Variants in TDRD9 observed in about 807,000 individuals in gnomAD.
TDRD9 encodes the protein ATP-dependent RNA helicase TDRD9.
A neutral mutation model predicts 172.6 loss-of-function variants in TDRD9; 124 were observed. The ratio of observed to expected loss-of-function variants is 0.72; its 90% CI spans 0.62 to 0.83. The LOEUF (loss-of-function observed/expected upper bound fraction) is 0.83. TDRD9 is among the 40% of genes least tolerant of loss of function. The pLI is 0.00. For missense variants in TDRD9, 1,479 were observed against 1,714.1 expected (o/e 0.86, Z 2.42); for synonymous variants, 619 against 617.1 (o/e 1.00, Z -0.05).
At chr14:103,928,820 C>T (rs9324067) in intron 1 of TDRD9, 96 bp downstream of exon 1, 4,523 of 358,592 alleles carry the variant, frequency 0.013, 213 homozygotes, top group African/African-American at 0.093. Flanking sequence ...CGAGCCCGTG[C>T]CCTCTCGCGG....
intron 7 of TDRD9, among the ~76,000 whole-genome samples, 182 bp from the exon 8 acceptor site, chr14:103,986,035 G>C (rs2152187897): frequency 6.6e-6 from 1 of 152,354 alleles, no homozygotes; most frequent in African/African-American, 2.4e-5. Context: ...TGTGTCCACT[G>C]TCCTGAGCAG....
chr14:104,033,813 C>T, intron 30 of TDRD9, 147 bp from the exon 31 acceptor site: 1 of 613,626 alleles, frequency 1.6e-6, no homozygotes, highest in Non-Finnish European at 3.0e-6. Context: ...AGGAGATGTG[C>T]AGGAGAGTGG....
chr14:104,014,363 G>A (rs990295595), intron 20 of TDRD9, among the ~76,000 whole-genome samples: 1 of 150,554 alleles, frequency 6.6e-6, no homozygotes, highest in African/African-American at 2.5e-5. Context: ...CACTGCAACC[G>A]CTGCCCTCCA....
intron 1 of TDRD9, chr14:103,939,682 T>G (rs1183052357): frequency 1.4e-5 from 2 of 142,428 alleles, no homozygotes; most frequent in African/African-American, 5.3e-5. Context: ...GGAGGGTTTT[T>G]TTTTTTTTTT....
intron 8 of TDRD9, among the ~76,000 whole-genome samples, chr14:103,988,108 T>A (rs1447812153): frequency 6.6e-6 from 1 of 152,218 alleles, no homozygotes; most frequent in Non-Finnish European, 1.5e-5. Context: ...TTTCATTCTT[T>A]TACTTTCAGT....
intron 8 of TDRD9, among the ~76,000 whole-genome samples, chr14:103,987,953 C>G (rs2033732988): frequency 6.6e-6 from 1 of 152,122 alleles, no homozygotes; most frequent in Non-Finnish European, 1.5e-5. Flanking sequence ...ATGTTTATAC[C>G]TGTTACATCT....
chr14:103,983,186 C>T (rs1262173417), intron 7 of TDRD9, among the ~76,000 whole-genome samples: 3 of 146,924 alleles, frequency 2.0e-5, no homozygotes, highest in East Asian at 4.1e-4. Flanking sequence ...GCCTCAGTCT[C>T]CCGAGTAGCT....
Position 103,992,786 on chromosome 14 carries a change from A to G in TDRD9, c.1181-1546A>G, listed in dbSNP as rs185129481. 1.8e-4 allele frequency among the ~76,000 whole-genome samples: 27 copies of G among 152,042 alleles called. No homozygotes were observed. The East Asian group carries it at 4.3e-3, about 24-fold the overall frequency. ...AAAATACAAAAAAAATTAGCCGGGC[A>G]TGGTGGCGGGCACCTGTGGTCCCAG... On this transcript the variant is annotated intron_variant, in intron 9 of 35. Coordinates refer to ENST00000409874, the MANE Select transcript of TDRD9 (RefSeq NM_153046.3).
intron 11 of TDRD9, among the ~76,000 whole-genome samples, chr14:103,995,462 TCCACCCCACCAAAGTTA>T (rs2034024604): frequency 6.6e-6 from 1 of 152,166 alleles, no homozygotes; most frequent in Admixed American, 6.5e-5. Context: ...AGGACCCCTC[TCCACCCCACCAAAGTTA>T]CCACACCAGA....
intron 7 of TDRD9, 123 bp from the exon 8 acceptor site, chr14:103,986,094 G>A: frequency 1.4e-6 from 1 of 723,900 alleles, no homozygotes; most frequent in Non-Finnish European, 2.4e-6. Flanking sequence ...TAAAAACCAA[G>A]AACTTTTATT....
At chr14:103,948,037 AG>A (rs1311577768) in intron 1 of TDRD9, among the ~76,000 whole-genome samples, 7 of 152,114 alleles carry the variant, frequency 4.6e-5, no homozygotes, top group Admixed American at 6.6e-5. Flanking sequence ...TTTAAGAGGG[AG>A]GGTCTCACTC....
intron 1 of TDRD9, chr14:103,941,588 C>T (rs2031237821): frequency 6.5e-7 from 1 of 1,534,978 alleles, no homozygotes; most frequent in African/African-American, 1.4e-5. Context: ...CCTTTAGGTG[C>T]CATTTTAATT....
At chr14:103,950,145 C>T (rs577087391) in intron 1 of TDRD9, among the ~76,000 whole-genome samples, 6 of 139,120 alleles carry the variant, frequency 4.3e-5, no homozygotes, top group Admixed American at 2.3e-4. Flanking sequence ...GCTGGAGTGC[C>T]GTGGCGCAAT....
At chr14:103,998,781 C>T (rs1211880868) in intron 13 of TDRD9, 53 bp downstream of exon 13, 4 of 846,062 alleles carry the variant, frequency 4.7e-6, no homozygotes, top group Non-Finnish European at 5.8e-6. Flanking sequence ...CACAGTGGCA[C>T]ATTCAGGTGC....
At chr14:104,014,691 T>C (rs750165660) in intron 20 of TDRD9, 34 bp from the exon 21 acceptor site, 4 of 1,260,004 alleles carry the variant, frequency 3.2e-6, no homozygotes, top group African/African-American at 1.5e-5. Flanking sequence ...CATATGTACC[T>C]TTGAGACATC....
At chr14:104,004,621 G>T (rs1002407937) in intron 14 of TDRD9, among the ~76,000 whole-genome samples, 1 of 152,064 alleles carries the variant, frequency 6.6e-6, no homozygotes, top group Non-Finnish European at 1.5e-5. Context: ...CTCGTGATCC[G>T]CCCGCCTTGG....
chr14:104,041,831 G>T (rs900212732), intron 33 of TDRD9, among the ~76,000 whole-genome samples: 1 of 152,162 alleles, frequency 6.6e-6, no homozygotes, highest in African/African-American at 2.4e-5. Context: ...CCCATCTGTA[G>T]GTATTTATTC....
chr14:103,956,556 C>A (rs1461196599), intron 2 of TDRD9, among the ~76,000 whole-genome samples: 1 of 152,128 alleles, frequency 6.6e-6, no homozygotes, highest in African/African-American at 2.4e-5. Flanking sequence ...GCAAGAGAAT[C>A]GCTTGAACTG....
chr14:103,998,747 A>G lies in TDRD9; in HGVS notation c.1483+19A>G, dbSNP rs1421223880. The G allele has an allele frequency of 7.5e-7, 1 of 1,329,670 alleles. No individual in the cohort carries two copies. Among genetic ancestry groups the G allele is most frequent in the African/African-American group, 1.4e-5 (1 of 69,748 alleles). The allele number at this position is 1,329,670 out of a possible 1,614,324, so 82.4% of individuals were successfully genotyped here. A position where few individuals can be genotyped will look rare whatever the true frequency, so the allele number is the denominator to read the frequency against. On this transcript the variant is annotated intron_variant, in intron 13 of 35. Transcript: ENST00000409874. Reference sequence around the variant, plus strand: ...AGAAAAGGTAAGACATTTGTGTTAAAGCACAATAATGAGTCATTGGTGACA... The same window carrying G: ...AGAAAAGGTAAGACATTTGTGTTAAGGCACAATAATGAGTCATTGGTGACA...
Sources: gnomAD v4.1 joint callset for allele counts (sites outside exome capture counted in the v4.1 genomes callset) on GRCh38, gnomAD v4.1.1 for gene constraint, MANE v1.5 for transcripts, NCBI Gene and HGNC (gene_info 2026-07-23, HGNC 2026-07-21) for gene names.